YWHAE: variants seen among roughly 807,000 people sequenced by gnomAD.
YWHAE encodes tyrosine 3-monooxygenase/tryptophan 5-monooxygenase activation protein epsilon.
Under a neutral mutation model 30.1 loss-of-function variants are expected in YWHAE, and 4 were observed. That is an observed-to-expected ratio of 0.13 (90% CI 0.07 to 0.30). The LOEUF is 0.30. Ranked by LOEUF, YWHAE falls within the 10% of genes least tolerant of loss-of-function variation. The pLI is 1.00. For synonymous variants in YWHAE, 118 were observed against 111.8 expected (o/e 1.06, Z -0.35); for missense variants, 121 against 315.9 (o/e 0.38, Z 4.68).
At chr17:1,370,830 T>C (rs2073030664) in intron 1 of YWHAE, among the ~76,000 whole-genome samples, 1 of 151,820 alleles carries the variant, frequency 6.6e-6, no homozygotes, top group South Asian at 2.1e-4. Flanking sequence ...ACCTCGTCTC[T>C]ACTAAAAGTG....
intron 1 of YWHAE, among the ~76,000 whole-genome samples, chr17:1,366,779 TA>T (rs1459791395): frequency 6.6e-6 from 1 of 151,882 alleles, no homozygotes; most frequent in Non-Finnish European, 1.5e-5. Context: ...CCGTCTCTAC[TA>T]AAAATACAAA....
At chr17:1,364,796 G>A in intron 2 of YWHAE, 63 bp downstream of exon 2, 1 of 1,577,244 alleles carries the variant, frequency 6.3e-7, no homozygotes, top group Admixed American at 1.7e-5. Context: ...AAAATCTTAA[G>A]TGTACCGTCC....
At chr17:1,367,773 T>C (rs1380404171) in intron 1 of YWHAE, among the ~76,000 whole-genome samples, 1 of 152,122 alleles carries the variant, frequency 6.6e-6, no homozygotes, top group African/African-American at 2.4e-5. Context: ...GATTTTATCA[T>C]TCCATTTATA....
chr17:1,385,328 G>A (rs760610104), intron 1 of YWHAE, among the ~76,000 whole-genome samples: 2 of 152,070 alleles, frequency 1.3e-5, no homozygotes, highest in African/African-American at 2.4e-5. Context: ...CTGGTCTAGA[G>A]GAAAACACCA....
In YWHAE at chr17:1,392,879, T is replaced by TTA. The variant is rs577556627; in HGVS notation, c.64+7167_64+7168insTA. Among the ~76,000 whole-genome samples, 36 of 149,790 alleles carry TTA rather than the reference T, an allele frequency of 2.4e-4. No homozygotes were observed. In the East Asian group the frequency reaches 6.6e-3, roughly 27 times the overall value. On this transcript the variant is annotated intron_variant, in intron 1 of 5. Transcript: ENST00000264335. The stretch of plus-strand genomic sequence containing the variant: ...AAAAAAAAAAAGTTGTATGACTACA[T>TTA]CACTAACCTAACAACTTAATAGCAT...
intron 1 of YWHAE, among the ~76,000 whole-genome samples, chr17:1,365,265 G>A (rs1598243817): frequency 6.9e-6 from 1 of 145,048 alleles, no homozygotes; most frequent in African/African-American, 2.6e-5. Flanking sequence ...CCAGAAGGTA[G>A]TTAGGTGGAG....
At chr17:1,346,424 A>T (rs1260492045) in intron 5 of YWHAE, among the ~76,000 whole-genome samples, 1 of 152,222 alleles carries the variant, frequency 6.6e-6, no homozygotes, top group Non-Finnish European at 1.5e-5. Flanking sequence ...AAGAATCATA[A>T]ATGTTCAAAT....
chr17:1,388,795 T>C (rs2073346345), intron 1 of YWHAE, among the ~76,000 whole-genome samples: 1 of 152,200 alleles, frequency 6.6e-6, no homozygotes, highest in Admixed American at 6.6e-5. Context: ...TTCATACTCA[T>C]GAATGTGTTT....
At chr17:1,366,449 A>G (rs2072942868) in intron 1 of YWHAE, among the ~76,000 whole-genome samples, 1 of 152,050 alleles carries the variant, frequency 6.6e-6, no homozygotes, top group South Asian at 2.1e-4. Context: ...GAGGCAGCAG[A>G]ATTGCTTGAA....
Position 1,357,751 on chromosome 17 carries a change from A to C in YWHAE, c.578+3341T>G, listed in dbSNP as rs570937517. On this transcript the variant is annotated intron_variant, in intron 4 of 5. Coordinates refer to ENST00000264335, the MANE Select transcript of YWHAE (RefSeq NM_006761.5). ...GACCAGCCTGGCCAACACTGTGAAA[A>C]CCCATCTCTACATAAAAATACAAAA... Among the ~76,000 whole-genome samples the C allele has an allele frequency of 1.6e-3, 237 of 150,806 alleles. 1 individual carries two copies. Among genetic ancestry groups the C allele is most frequent in the African/African-American group, 5.4e-3 (222 of 41,062 alleles).
chr17:1,384,508 G>A (rs561478578), intron 1 of YWHAE, among the ~76,000 whole-genome samples: 42 of 143,394 alleles, frequency 2.9e-4, no homozygotes, highest in African/African-American at 4.2e-4. Flanking sequence ...TGGCTAACAC[G>A]GTGAAACCCT....
intron 1 of YWHAE, among the ~76,000 whole-genome samples, chr17:1,389,356 C>A (rs778022747): frequency 6.6e-6 from 1 of 152,122 alleles, no homozygotes; most frequent in Admixed American, 6.5e-5. Context: ...GCTGACTAAC[C>A]CAGGGATTAA....
chr17:1,365,090 A>T, intron 1 of YWHAE, 32 bp from the exon 2 acceptor site: 1 of 1,596,328 alleles, frequency 6.3e-7, no homozygotes, highest in Non-Finnish European at 8.5e-7. Context: ...CAGACCTTAC[A>T]AATTTGAAGT....
At chr17:1,358,958 A>C (rs2072808002) in intron 4 of YWHAE, among the ~76,000 whole-genome samples, 1 of 151,240 alleles carries the variant, frequency 6.6e-6, no homozygotes, top group Non-Finnish European at 1.5e-5. Context: ...AACACTGTGA[A>C]ACCCCATCCC....
At chr17:1,384,391 T>C (rs1172644484) in intron 1 of YWHAE, among the ~76,000 whole-genome samples, 1 of 151,370 alleles carries the variant, frequency 6.6e-6, no homozygotes, top group Non-Finnish European at 1.5e-5. Flanking sequence ...AGAGTACACA[T>C]GTAAAAAGAT....
At chr17:1,381,409 T>A (rs1407468946) in intron 1 of YWHAE, among the ~76,000 whole-genome samples, 1 of 152,018 alleles carries the variant, frequency 6.6e-6, no homozygotes. Context: ...CTCAGGAGGC[T>A]GAAGCACGAG....
At chr17:1,367,814 C>G (rs564194225) in intron 1 of YWHAE, among the ~76,000 whole-genome samples, 2 of 152,166 alleles carry the variant, frequency 1.3e-5, no homozygotes, top group Admixed American at 6.5e-5. Flanking sequence ...ACTAAAAAGA[C>G]AGAAAGCAAA....
chr17:1,372,012 G>A (rs1309076905), intron 1 of YWHAE, among the ~76,000 whole-genome samples: 3 of 151,916 alleles, frequency 2.0e-5, no homozygotes, highest in Non-Finnish European at 4.4e-5. Context: ...CTAATTTTTT[G>A]TATTTTTAGT....
chr17:1,368,206 G>A (rs528508493), intron 1 of YWHAE, among the ~76,000 whole-genome samples: 12 of 152,044 alleles, frequency 7.9e-5, no homozygotes, highest in Non-Finnish European at 1.6e-4. Flanking sequence ...GACCAGCATG[G>A]AGAAACTAAA....
Sources: gnomAD v4.1 joint callset for allele counts (sites outside exome capture counted in the v4.1 genomes callset) on GRCh38, gnomAD v4.1.1 for gene constraint, MANE v1.5 for transcripts, NCBI Gene and HGNC (gene_info 2026-07-23, HGNC 2026-07-21) for gene names.